Variants in PIH1D2 observed in about 807,000 individuals in gnomAD.
PIH1D2 encodes the protein PIH1 domain containing 2.
Under a neutral mutation model 31.2 loss-of-function variants are expected in PIH1D2, and 25 were observed. The observed-to-expected ratio is 0.80, with a 90% CI of 0.58 to 1.12. PIH1D2 has a LOEUF of 1.12. Ranked by LOEUF, PIH1D2 falls within the 50% of genes most tolerant of loss-of-function variation. The pLI is 0.00. For synonymous variants in PIH1D2, 116 were observed against 119.9 expected (o/e 0.97, Z 0.21); for missense variants, 310 against 356.6 (o/e 0.87, Z 1.05).
chr11:112,052,647 G>A, the PIH1D2 span, among the ~76,000 whole-genome samples: 5 of 152,092 alleles, frequency 3.3e-5, no homozygotes, highest in Admixed American at 1.3e-4. Flanking sequence ...TCAGCAACTG[G>A]AAGCTCATTA....
chr11:112,055,465 C>T, the PIH1D2 span, among the ~76,000 whole-genome samples: 3 of 151,810 alleles, frequency 2.0e-5, no homozygotes, highest in Admixed American at 6.6e-5. Flanking sequence ...AGGATGGTCT[C>T]GATCTCCTGA....
chr11:112,058,621 G>GT (rs1360225035), downstream of PIH1D2, among the ~76,000 whole-genome samples: 3 of 129,060 alleles, frequency 2.3e-5, no homozygotes, highest in Non-Finnish European at 3.3e-5. Context: ...GGGGAAGGGG[G>GT]GGGTGGGGGG....
chr11:112,057,139 A>G, the PIH1D2 span, among the ~76,000 whole-genome samples: 1 of 152,228 alleles, frequency 6.6e-6, no homozygotes, highest in Non-Finnish European at 1.5e-5. Context: ...TAAGATGGCA[A>G]ACTTCATTGA....
At chr11:112,071,004 C>T in intron 4 of PIH1D2, 34 bp downstream of exon 4, 8 of 1,593,192 alleles carry the variant, frequency 5.0e-6, no homozygotes, top group Non-Finnish European at 6.8e-6. Flanking sequence ...CATCTTAAAG[C>T]AGTTTAATTT....
At chr11:112,066,763 T>C (rs587610066), downstream of PIH1D2, among the ~76,000 whole-genome samples, 61 of 152,176 alleles carry the variant, frequency 4.0e-4, no homozygotes, top group African/African-American at 1.4e-3. Flanking sequence ...GTTGTTTAAC[T>C]GAAGTACAGA....
At chr11:112,067,052 G>T (rs1205145035), downstream of PIH1D2, among the ~76,000 whole-genome samples, 1 of 152,004 alleles carries the variant, frequency 6.6e-6, no homozygotes, top group East Asian at 1.9e-4. Flanking sequence ...AACACAGCGA[G>T]ACTCAGTCTC....
the PIH1D2 span, among the ~76,000 whole-genome samples, chr11:112,055,538 C>T: frequency 6.6e-6 from 1 of 151,996 alleles, no homozygotes; most frequent in African/African-American, 2.4e-5. Context: ...GCCACCGCGC[C>T]CGGCCAAGGC....
At chr11:112,055,785 A>G in the PIH1D2 span, among the ~76,000 whole-genome samples, 1 of 148,722 alleles carries the variant, frequency 6.7e-6, no homozygotes, top group African/African-American at 2.5e-5. Context: ...TAAAATCTAG[A>G]TAAGAGGCAG....
chr11:112,070,040 A>G (rs1328260199), intron 5 of PIH1D2: 4 of 251,268 alleles, frequency 1.6e-5, no homozygotes, highest in Non-Finnish European at 2.3e-5. Context: ...GTAGACTGGT[A>G]GACTGTAGGA....
At chr11:112,057,661 G>A in the PIH1D2 span, among the ~76,000 whole-genome samples, 4 of 152,170 alleles carry the variant, frequency 2.6e-5, no homozygotes, top group East Asian at 3.8e-4. Flanking sequence ...TGAGGAAGCC[G>A]CGTAACAGAA....
At chr11:112,056,176 C>CT in the PIH1D2 span, among the ~76,000 whole-genome samples, 2 of 151,954 alleles carry the variant, frequency 1.3e-5, no homozygotes, top group African/African-American at 4.8e-5. Context: ...CATGTAGACA[C>CT]TTTTTAACAT....
At chr11:112,056,237 T>A in the PIH1D2 span, among the ~76,000 whole-genome samples, 1 of 152,170 alleles carries the variant, frequency 6.6e-6, no homozygotes, top group African/African-American at 2.4e-5. Flanking sequence ...AAGTGTACAA[T>A]TTCTTGATTT....
At chr11:112,071,334 T>A in intron 3 of PIH1D2, 51 bp from the exon 4 acceptor site, 1 of 1,548,650 alleles carries the variant, frequency 6.5e-7, no homozygotes, top group Non-Finnish European at 8.8e-7. Flanking sequence ...GTTGCACTAA[T>A]GATACTGTCA....
At chr11:112,054,975 C>T in the PIH1D2 span, among the ~76,000 whole-genome samples, 7 of 152,286 alleles carry the variant, frequency 4.6e-5, no homozygotes, top group South Asian at 1.2e-3. Context: ...TAGGGCCACT[C>T]AGATAATATA....
chr11:112,062,498 G>GA, downstream of PIH1D2: 1 of 1,612,584 alleles, frequency 6.2e-7, no homozygotes, highest in Non-Finnish European at 8.5e-7. Context: ...GCTGAGTTTA[G>GA]AAAGTACCTT....
intron 4 of PIH1D2, 27 bp downstream of exon 4, chr11:112,071,011 A>AT (rs782637075): frequency 6.3e-7 from 1 of 1,599,188 alleles, no homozygotes; most frequent in East Asian, 2.2e-5. Context: ...AAGCAGTTTA[A>AT]TTTTCCATTT....
downstream of PIH1D2, chr11:112,063,858 T>A (rs1864789958): frequency 4.3e-6 from 1 of 230,966 alleles, no homozygotes; most frequent in Non-Finnish European, 8.3e-6. Context: ...AATAAACGTT[T>A]GAAATTATTT....
At chr11:112,053,572 C>T in the PIH1D2 span, among the ~76,000 whole-genome samples, 2 of 152,098 alleles carry the variant, frequency 1.3e-5, no homozygotes, top group Non-Finnish European at 2.9e-5. Context: ...CCTACCTCAG[C>T]CTCCTGAGTA....
downstream of PIH1D2, chr11:112,067,685 A>AAAAAAAAAATATATATATATATATAT: frequency 5.6e-5 from 1 of 17,804 alleles, no homozygotes; most frequent in Non-Finnish European, 1.1e-4. Flanking sequence ...AAAAAAAAAA[A>AAAAAAAAAATATATATATATATATAT]ATATATATAT....
Sources: allele counts gnomAD v4.1 joint callset (sites outside exome capture counted in the v4.1 genomes callset), GRCh38; gene constraint gnomAD v4.1.1; transcripts MANE v1.5; gene names NCBI Gene and HGNC (gene_info 2026-07-23, HGNC 2026-07-21).